RCOR1: variants seen among roughly 807,000 people sequenced by gnomAD.
RCOR1 encodes REST corepressor 1.
A neutral mutation model predicts 64.0 loss-of-function variants in RCOR1; 12 were observed. The ratio of observed to expected loss-of-function variants is 0.19; its 90% CI spans 0.12 to 0.30. The LOEUF (loss-of-function observed/expected upper bound fraction) is 0.30, where lower values mean the gene tolerates loss of function less well. Among genes scored for constraint, RCOR1 ranks in the 10% least tolerant of loss-of-function variants. RCOR1 has a pLI of 1.00. For missense variants in RCOR1, 502 were observed against 621.2 expected (o/e 0.81, Z 2.04); for synonymous variants, 279 against 227.2 (o/e 1.23, Z -2.05).
Position 102,728,022 on chromosome 14 carries a change from A to G in RCOR1, c.*1516A>G, listed in dbSNP as rs1233502811. ...GCAGATGCTTTAAGGCCTAAACAGA[A>G]TTCTGAAGAATTTAAAATATGCAAT... On this transcript the variant is annotated 3_prime_UTR_variant, in exon 12 of 12. Transcript: ENST00000262241. The G allele has an allele frequency of 6.6e-6, 1 of 152,624 alleles. No individual in the cohort carries two copies. Among genetic ancestry groups the G allele is most frequent in the African/African-American group, 2.4e-5 (1 of 41,438 alleles). 9.5% of individuals were successfully genotyped at this position (152,624 alleles called of 1,614,324 possible). A position where few individuals can be genotyped will look rare whatever the true frequency, so the allele number is the denominator to read the frequency against.
At chr14:102,708,345 C>G in intron 5 of RCOR1, 120 bp from the exon 6 acceptor site, 1 of 636,842 alleles carries the variant, frequency 1.6e-6, no homozygotes, top group South Asian at 1.5e-5. Flanking sequence ...CGTGATCCGC[C>G]TGCCTTAGCC....
intron 3 of RCOR1, among the ~76,000 whole-genome samples, chr14:102,685,085 T>G (rs182729685): frequency 3.3e-5 from 5 of 152,158 alleles, no homozygotes; most frequent in Admixed American, 3.3e-4. Context: ...TGTGTTTTTT[T>G]TTTCCTCTTC....
At chr14:102,726,363 G>T (rs1302943934) in intron 11 of RCOR1, 105 bp from the exon 12 acceptor site, 5 of 962,334 alleles carry the variant, frequency 5.2e-6, no homozygotes, top group African/African-American at 1.7e-5. Flanking sequence ...TGTTTGCTCT[G>T]CAGGTTTGCT....
At chr14:102,713,176 A>G (rs1196733662) in intron 7 of RCOR1, among the ~76,000 whole-genome samples, 2 of 150,418 alleles carry the variant, frequency 1.3e-5, no homozygotes, top group Non-Finnish European at 3.0e-5. Flanking sequence ...CTGGTTTTGA[A>G]CTCCTGACCT....
intron 3 of RCOR1, among the ~76,000 whole-genome samples, chr14:102,687,245 T>G (rs948533801): frequency 3.3e-5 from 5 of 152,226 alleles, no homozygotes; most frequent in African/African-American, 1.2e-4. Context: ...CCTAGGCAAC[T>G]CTTCCTTTTT....
chr14:102,665,804 G>A (rs1894907029), intron 2 of RCOR1, among the ~76,000 whole-genome samples: 1 of 152,102 alleles, frequency 6.6e-6, no homozygotes, highest in South Asian at 2.1e-4. Context: ...GGCTTTTTTG[G>A]TGTGTGTTAT....
intron 3 of RCOR1, among the ~76,000 whole-genome samples, chr14:102,699,176 C>T (rs1197146377): frequency 1.3e-5 from 2 of 152,216 alleles, no homozygotes; most frequent in South Asian, 2.1e-4. Context: ...TGAGCCACCG[C>T]GCCTGGCCTC....
At chr14:102,677,095 G>A in intron 2 of RCOR1, among the ~76,000 whole-genome samples, 1 of 127,624 alleles carries the variant, frequency 7.8e-6, no homozygotes. Flanking sequence ...TCACTTCCCA[G>A]TAGGGGCGGC....
At position 102,721,231 on chromosome 14, in the gene RCOR1, G is replaced by C; in HGVS notation, c.1132-89G>C. On this transcript the variant is annotated intron_variant, in intron 9 of 11. Transcript: ENST00000262241. ...TGAACCCAGTTGATGTTAAAATTCC[G>C]ATAAGAGAAAATGAAAGGTTCGTTA... The C allele has an allele frequency of 3.9e-6, 5 of 1,281,012 alleles. No homozygotes were observed. The South Asian group carries it at 6.3e-5, about 16-fold the overall frequency. The allele number at this position is 1,281,012 out of a possible 1,614,324, so 79.4% of individuals were successfully genotyped here.
In RCOR1 at chr14:102,680,864, T is replaced by A. The variant is rs149580254; in HGVS notation, c.362-1031T>A. ...TTTTTTGTCATATTTCTTTCTCATC[T>A]ACATCCTCTTCCCATCTGCAACAGA... On this transcript the variant is annotated intron_variant, in intron 2 of 11. Coordinates refer to ENST00000262241, the MANE Select transcript of RCOR1 (RefSeq NM_015156.4). 7.0e-4 allele frequency among the ~76,000 whole-genome samples: 106 copies of A among 152,346 alleles called. 1 individual carries two copies. The East Asian group carries it at 0.018, about 25-fold the overall frequency.
chr14:102,639,188 C>T (rs1356658578), intron 2 of RCOR1, among the ~76,000 whole-genome samples: 8 of 151,550 alleles, frequency 5.3e-5, no homozygotes, highest in Non-Finnish European at 5.9e-5. Context: ...AACTAAACAG[C>T]GTAATTTGGA....
At position 102,728,400 on chromosome 14, in the gene RCOR1, C is replaced by T. The variant is rs1347843752; in HGVS notation, c.*1894C>T. ...TTCACCATAAGCCTGCTGTGTACAC[C>T]GAGGGCGGCAGGAGAAGCATGGGAA... On this transcript the variant is annotated 3_prime_UTR_variant, in exon 12 of 12. Coordinates refer to ENST00000262241, the MANE Select transcript of RCOR1 (RefSeq NM_015156.4). The T allele has an allele frequency of 1.3e-5, 2 of 152,052 alleles. No individual in the cohort carries two copies. The highest frequency in any genetic ancestry group is 6.6e-5 in the Admixed American group (1 of 15,252). The allele number at this position is 152,052 out of a possible 1,614,324, so 9.4% of individuals were successfully genotyped here. A position where few individuals can be genotyped will look rare whatever the true frequency, so the allele number is the denominator to read the frequency against.
At chr14:102,667,595 G>A (rs922674170) in intron 2 of RCOR1, among the ~76,000 whole-genome samples, 3 of 152,084 alleles carry the variant, frequency 2.0e-5, no homozygotes, top group Non-Finnish European at 2.9e-5. Flanking sequence ...TGGGGAGACC[G>A]AATTTAGCCT....
intron 2 of RCOR1, among the ~76,000 whole-genome samples, chr14:102,632,908 C>A (rs759441760): frequency 6.6e-6 from 1 of 151,384 alleles, no homozygotes; most frequent in Middle Eastern, 3.4e-3. Context: ...AACTCCTGGG[C>A]TCAAGCAGTT....
chr14:102,605,288 G>T (rs1466700232), intron 2 of RCOR1, among the ~76,000 whole-genome samples: 2 of 152,096 alleles, frequency 1.3e-5, no homozygotes, highest in African/African-American at 4.8e-5. Context: ...GGACAAATTG[G>T]ACTGAGTTGC....
chr14:102,593,051 GGCC>G lies in RCOR1; in HGVS notation c.175_177del (p.Ala59del). On this transcript the variant is annotated inframe_deletion, in exon 1 of 12. Transcript: ENST00000262241. ...CGGGCGCCGCCGCCTCCTCAGCCTC[GGCC>G]GCCGCCGCCTCAGCCGCCGCCGCCC... 8.0e-6 allele frequency: 11 copies of G among 1,381,196 alleles called. No individual in the cohort carries two copies. Among genetic ancestry groups the G allele is most frequent in the East Asian group, 3.2e-5 (1 of 31,240 alleles). 85.6% of individuals were successfully genotyped at this position (1,381,196 alleles called of 1,614,324 possible). A position where few individuals can be genotyped will look rare whatever the true frequency, so the allele number is the denominator to read the frequency against.
Position 102,593,067 on chromosome 14 carries a change from G to T in RCOR1, c.181G>T (p.Ala61Ser). 7.1e-7 allele frequency: 1 copy of T among 1,400,038 alleles called. No homozygotes were observed. The highest frequency in any genetic ancestry group is 9.4e-7 in the Non-Finnish European group (1 of 1,068,962). The allele number at this position is 1,400,038 out of a possible 1,614,324, so 86.7% of individuals were successfully genotyped here. A position where few individuals can be genotyped will look rare whatever the true frequency, so the allele number is the denominator to read the frequency against. The change falls in exon 1 of 12, where the codon GCC (alanine) becomes TCC (serine). Residue 61 changes from alanine (A) to serine (S), a missense_variant. Physicochemically the swap from Ala to Ser is moderately conservative, Grantham distance 99. Transcript: ENST00000262241. ...CTCAGCCTCGGCCGCCGCCGCCTCAGCCGCCGCCGCCCCCAATAATGGCCA... is the reference window on the plus strand; with the variant it reads ...CTCAGCCTCGGCCGCCGCCGCCTCATCCGCCGCCGCCCCCAATAATGGCCA... ...ASSASAAAAS[A>S]AAAPNNGQNK...
rs111347301 is a variant in RCOR1 at position 102,704,803 on chromosome 14, A to G, written c.499-2548A>G. Among the ~76,000 whole-genome samples the G allele has an allele frequency of 7.2e-3, 1,095 of 152,280 alleles. 6 individuals carry two copies. The highest frequency in any genetic ancestry group is 0.012 in the Non-Finnish European group (804 of 68,016). ...TCAGAAATAAGCCATTCCATCCTGG[A>G]CAACATGGCAAAATCCTGTCTCTAC... On this transcript the variant is annotated intron_variant, in intron 4 of 11. Transcript: ENST00000262241.
Position 102,726,543 on chromosome 14 carries a change from G to A in RCOR1, c.*37G>A, listed in dbSNP as rs1256787476. On this transcript the variant is annotated 3_prime_UTR_variant, in exon 12 of 12. Coordinates refer to ENST00000262241, the MANE Select transcript of RCOR1 (RefSeq NM_015156.4). ...CTTTGAACACTTGGTGTGGACTACT[G>A]TGTTATCCGGGATATCAGGTATTAT... The A allele has an allele frequency of 1.3e-6, 2 of 1,547,524 alleles. No homozygotes were observed. The highest frequency in any genetic ancestry group is 2.8e-5 in the African/African-American group (2 of 71,694).
Sources: allele counts gnomAD v4.1 joint callset (sites outside exome capture counted in the v4.1 genomes callset), GRCh38; gene constraint gnomAD v4.1.1; transcripts MANE v1.5; gene names NCBI Gene and HGNC (gene_info 2026-07-23, HGNC 2026-07-21).